The following TMEM217 variants were observed in gnomAD, a reference collection of about 807,000 sequenced individuals.
TMEM217 encodes the protein transmembrane protein 217.
For missense variants in TMEM217, 204 were observed against 248.8 expected, an observed-to-expected ratio of 0.82 and a Z score of 1.21; for synonymous variants, 76 against 88.3, an observed-to-expected ratio of 0.86 and a Z score of 0.78.
At chr6:37,213,347 C>T (rs186181844), downstream of TMEM217, among the ~76,000 whole-genome samples, 4 of 152,328 alleles carry the variant, frequency 2.6e-5, no homozygotes, top group Middle Eastern at 3.4e-3. Flanking sequence ...ATGGTATGAA[C>T]GAAGCTCCCA....
At chr6:37,225,445 A>G (rs1472492477) in intron 1 of TMEM217, among the ~76,000 whole-genome samples, 1 of 152,178 alleles carries the variant, frequency 6.6e-6, no homozygotes, top group Non-Finnish European at 1.5e-5. Context: ...GTTTTCTATG[A>G]CCTAGGATTA....
Position 37,225,010 on chromosome 6 carries a change from A to T in TMEM217, c.-11-5969T>A, listed in dbSNP as rs868777006. ...CCTGCCCAACATGGCCCATCTCTAT[A>T]AAAAAAAAAAAAAAAACACCACCAC... On this transcript the variant is annotated intron_variant, in intron 1 of 1. Coordinates refer to ENST00000357219, the Ensembl canonical transcript of TMEM217. Among the ~76,000 whole-genome samples, 20 of 142,284 alleles carry T rather than the reference A, an allele frequency of 1.4e-4. 1 individual carries two copies. Among genetic ancestry groups the T allele is most frequent in the Middle Eastern group, 3.5e-3 (1 of 282 alleles). The allele number at this position is 142,284 out of a possible 152,430, so 93.3% of individuals were successfully genotyped here.
At position 37,232,916 on chromosome 6, in the gene TMEM217, C is replaced by T. The variant is rs1351958637; in HGVS notation, c.-11-13875G>A. 2.0e-5 allele frequency among the ~76,000 whole-genome samples: 3 copies of T among 152,182 alleles called. No homozygotes were observed. The East Asian group carries it at 5.8e-4, about 29-fold the overall frequency. On this transcript the variant is annotated intron_variant, in intron 1 of 1. Transcript: ENST00000357219. ...GCTTCCTTCTGCTTATTCCTAAAGGCTAGTCTCCCTCAGTGCACAAACCAA... is the reference window on the plus strand; with the variant it reads ...GCTTCCTTCTGCTTATTCCTAAAGGTTAGTCTCCCTCAGTGCACAAACCAA...
rs558039413 is a variant in TMEM217 at position 37,255,646 on chromosome 6, T to C, written c.-12+1922A>G. ...TTGTAGTGTGCTGAGATCATGTCAC[T>C]GGACTCCAGCTTGGGTGACAGGGCA... On this transcript the variant is annotated intron_variant, in intron 1 of 1. Coordinates refer to ENST00000357219, the Ensembl canonical transcript of TMEM217. Among the ~76,000 whole-genome samples, 118 of 150,192 alleles carry C rather than the reference T, an allele frequency of 7.9e-4. 1 individual carries two copies. In the South Asian group the frequency reaches 0.02, roughly 26 times the overall value.
At chr6:37,254,734 G>A (rs945133916) in intron 1 of TMEM217, among the ~76,000 whole-genome samples, 2 of 152,160 alleles carry the variant, frequency 1.3e-5, no homozygotes, top group Admixed American at 6.5e-5. Context: ...TATTCTAGGT[G>A]CTGGGGATAC....
Position 37,229,335 on chromosome 6 carries a change from G to GTTTTTCTTTTTT in TMEM217, c.-11-10295_-11-10294insAAAAAAGAAAAA, listed in dbSNP as rs1764040452. On this transcript the variant is annotated intron_variant, in intron 1 of 1. Coordinates refer to ENST00000357219, the Ensembl canonical transcript of TMEM217. ...TGACTCGTCTCCCTAGCAACTTTCA[G>GTTTTTCTTTTTT]TTTTTTTTTTTTTTTTTTTTTTTTT... Among the ~76,000 whole-genome samples the GTTTTTCTTTTTT allele has an allele frequency of 2.7e-5, 2 of 74,368 alleles. 1 individual carries two copies. The highest frequency in any genetic ancestry group is 1.1e-4 in the African/African-American group (2 of 18,740). The allele number at this position is 74,368 out of a possible 152,430, so 48.8% of individuals were successfully genotyped here.
intron 1 of TMEM217, among the ~76,000 whole-genome samples, chr6:37,244,936 G>A (rs1764973265): frequency 6.6e-6 from 1 of 152,190 alleles, no homozygotes; most frequent in South Asian, 2.1e-4. Flanking sequence ...GGATAACTTA[G>A]GGAGACTTGG....
rs1014233978 is a variant in TMEM217, at chr6:37,258,027, C to T, written c.-471G>A. ...GGATTGGACCAAACCCTTCCAGATC[C>T]TAATCCCTGAATCCCGCGGGCCTGG... is the stretch of plus-strand genomic sequence containing the variant. On this transcript the variant is annotated 5_prime_UTR_variant, in exon 1 of 2. Transcript: ENST00000357219. 6 of 1,588,892 alleles carry T rather than the reference C, an allele frequency of 3.8e-6. No homozygotes were observed. The African/African-American group carries it at 8.1e-5, about 21-fold the overall frequency.
At chr6:37,212,456 G>T in exon 4 of TMEM217, 1 of 445,556 alleles carries the variant, frequency 2.2e-6, no homozygotes, top group Non-Finnish European at 4.5e-6. Context: ...CGGACAGGTA[G>T]TCATGAGTTC....
downstream of TMEM217, among the ~76,000 whole-genome samples, chr6:37,214,198 T>C (rs943761894): frequency 2.0e-5 from 3 of 152,234 alleles, no homozygotes; most frequent in African/African-American, 7.2e-5. Flanking sequence ...CGTGCAAGCA[T>C]ATCGCTATCC....
exon 2 of TMEM217, chr6:37,217,700 G>T (rs1385787736): frequency 4.1e-6 from 4 of 985,030 alleles, no homozygotes; most frequent in Non-Finnish European, 4.8e-6. Context: ...GACACAGTGG[G>T]GAAATCATAG....
intron 1 of TMEM217, among the ~76,000 whole-genome samples, chr6:37,226,405 G>A (rs943128412): frequency 6.9e-6 from 1 of 145,490 alleles, no homozygotes; most frequent in African/African-American, 2.6e-5. Flanking sequence ...CCATTCTCCT[G>A]CCTCAGCCTC....
At chr6:37,230,838 C>T (rs1764162668) in intron 1 of TMEM217, among the ~76,000 whole-genome samples, 1 of 152,100 alleles carries the variant, frequency 6.6e-6, no homozygotes, top group Admixed American at 6.6e-5. Context: ...GCCTCTCTAC[C>T]ACTGGGCAGT....
At chr6:37,256,476 G>A (rs1765739313) in intron 1 of TMEM217, among the ~76,000 whole-genome samples, 1 of 152,172 alleles carries the variant, frequency 6.6e-6, no homozygotes, top group Non-Finnish European at 1.5e-5. Context: ...TAAAAGAATA[G>A]AGGGGCTTTT....
At chr6:37,215,055 G>A (rs1283111588), downstream of TMEM217, 8 of 1,002,364 alleles carry the variant, frequency 8.0e-6, no homozygotes, top group Admixed American at 1.9e-4. Flanking sequence ...TCTGTATAAA[G>A]CCCACTGGTT....
intron 1 of TMEM217, among the ~76,000 whole-genome samples, chr6:37,222,803 C>G (rs1320421286): frequency 6.6e-6 from 1 of 152,198 alleles, no homozygotes; most frequent in Non-Finnish European, 1.5e-5. Flanking sequence ...GGTGAGTTCC[C>G]GACTTAACTC....
At chr6:37,221,726 C>T (rs893140877) in intron 1 of TMEM217, among the ~76,000 whole-genome samples, 1 of 152,150 alleles carries the variant, frequency 6.6e-6, no homozygotes, top group Admixed American at 6.5e-5. Context: ...GCACCTTTGC[C>T]TGAGTTCTTG....
chr6:37,229,349 T>TTTTTTG (rs1554171005), intron 1 of TMEM217, among the ~76,000 whole-genome samples: 35 of 134,792 alleles, frequency 2.6e-4, no homozygotes, highest in Admixed American at 6.7e-4. Flanking sequence ...TTTTTTTTTT[T>TTTTTTG]TTTTTTTTTT....
exon 4 of TMEM217, chr6:37,212,183 T>C (rs772120511): frequency 1.4e-5 from 4 of 288,728 alleles, no homozygotes; most frequent in Admixed American, 5.0e-5. Context: ...ACCAGTGAGA[T>C]GGTTAAGTAA....
Sources: gnomAD v4.1 joint callset for allele counts (sites outside exome capture counted in the v4.1 genomes callset) on GRCh38, gnomAD v4.1.1 for gene constraint, MANE v1.5 for transcripts, NCBI Gene and HGNC (gene_info 2026-07-23, HGNC 2026-07-21) for gene names.